Variants in PTPN3 observed in about 807,000 individuals in gnomAD.
The protein encoded by PTPN3 is tyrosine-protein phosphatase non-receptor type 3.
A neutral mutation model predicts 132.7 loss-of-function variants in PTPN3; 96 were observed. The ratio of observed to expected loss-of-function variants is 0.72; its 90% CI spans 0.61 to 0.86. The LOEUF (loss-of-function observed/expected upper bound fraction) is 0.86, where lower values mean the gene tolerates loss of function less well. Among genes scored for constraint, PTPN3 ranks in the 40% least tolerant of loss-of-function variants. The pLI, the probability that PTPN3 is intolerant of heterozygous loss-of-function variation, is 0.00. For missense variants in PTPN3, 1,125 were observed against 1,159.6 expected, an observed-to-expected ratio of 0.97 and a Z score of 0.43; for synonymous variants, 398 against 429.0, an observed-to-expected ratio of 0.93 and a Z score of 0.89.
At chr9:109,537,966 C>T in the PTPN3 span, among the ~76,000 whole-genome samples, 2 of 152,186 alleles carry the variant, frequency 1.3e-5, no homozygotes, top group Non-Finnish European at 2.9e-5. Context: ...TAACCACAAA[C>T]TTTATTCATA....
intron 5 of PTPN3, chr9:109,450,084 A>C: frequency 1.0e-6 from 1 of 984,802 alleles, no homozygotes; most frequent in Non-Finnish European, 1.2e-6. Context: ...GTTATAAAAA[A>C]ACTCACTATG....
chr9:109,404,642 T>G, intron 18 of PTPN3, 34 bp from the exon 19 acceptor site: 3 of 1,409,884 alleles, frequency 2.1e-6, no homozygotes, highest in Non-Finnish European at 1.9e-6. Flanking sequence ...CTGACTTGTG[T>G]AGCAATACTC....
intron 7 of PTPN3, among the ~76,000 whole-genome samples, chr9:109,443,781 A>G (rs1249891604): frequency 6.6e-6 from 1 of 152,222 alleles, no homozygotes; most frequent in African/African-American, 2.4e-5. Context: ...AAATCCACCC[A>G]GGCCCATTCG....
At chr9:109,381,831 C>G (rs1481419311) in intron 24 of PTPN3, 44 bp from the exon 25 acceptor site, 3 of 1,611,844 alleles carry the variant, frequency 1.9e-6, no homozygotes, top group Middle Eastern at 3.3e-4. Context: ...GTCTGAGTAG[C>G]CTTTCTGCAT....
chr9:109,442,381 A>AAT (rs2131960100), intron 7 of PTPN3, among the ~76,000 whole-genome samples: 1 of 152,168 alleles, frequency 6.6e-6, no homozygotes. Context: ...TATGCTCTGC[A>AAT]ATATATATAT....
At chr9:109,439,877 C>A (rs1844327767) in intron 7 of PTPN3, among the ~76,000 whole-genome samples, 2 of 151,804 alleles carry the variant, frequency 1.3e-5, no homozygotes, top group South Asian at 4.2e-4. Context: ...CCACTGTACT[C>A]CAGCCTGGGT....
chr9:109,483,052 C>A (rs1314023524), intron 1 of PTPN3, among the ~76,000 whole-genome samples: 1 of 152,202 alleles, frequency 6.6e-6, no homozygotes, highest in Non-Finnish European at 1.5e-5. Context: ...TAAATCTGGG[C>A]ACCTGTCCTT....
chr9:109,485,423 G>C (rs186978606), intron 1 of PTPN3, among the ~76,000 whole-genome samples: 2 of 152,154 alleles, frequency 1.3e-5, no homozygotes, highest in South Asian at 4.1e-4. Context: ...CAGGAGAACG[G>C]CGTGAACCTG....
the PTPN3 span, among the ~76,000 whole-genome samples, chr9:109,510,430 T>C: frequency 6.6e-6 from 1 of 151,492 alleles, no homozygotes; most frequent in East Asian, 1.9e-4. Flanking sequence ...TGGTGGTGCA[T>C]GCCTGTAATT....
chr9:109,438,898 G>A (rs1844247934), intron 7 of PTPN3, among the ~76,000 whole-genome samples: 1 of 152,184 alleles, frequency 6.6e-6, no homozygotes, highest in Non-Finnish European at 1.5e-5. Flanking sequence ...TCTAAGGGGA[G>A]TCAGAAGATA....
chr9:109,439,522 G>T (rs1185526711), intron 7 of PTPN3, among the ~76,000 whole-genome samples: 1 of 152,256 alleles, frequency 6.6e-6, no homozygotes, highest in East Asian at 1.9e-4. Flanking sequence ...CAAGGGCAGA[G>T]TATGGGAAAG....
rs1564361868 is a variant in PTPN3 at position 109,377,458 on chromosome 9, A to ACACACACACACACACACACAC, written c.*2097_*2098insGTGTGTGTGTGTGTGTGTGTG. 3 of 129,936 alleles carry ACACACACACACACACACACAC rather than the reference A, an allele frequency of 2.3e-5. No individual in the cohort carries two copies. The highest frequency in any genetic ancestry group is 2.4e-4 in the South Asian group (1 of 4,198). 8.0% of individuals were successfully genotyped at this position (129,936 alleles called of 1,614,324 possible). On this transcript the variant is annotated 3_prime_UTR_variant, in exon 26 of 26. Coordinates refer to ENST00000374541, the MANE Select transcript of PTPN3 (RefSeq NM_002829.4). ...CACACACACACACACACACACACAC[A>ACACACACACACACACACACAC]AGCCAGGTGAGGTGGCATGTGCCTA... is the stretch of plus-strand genomic sequence containing the variant.
chr9:109,488,601 G>T (rs1847321777), intron 1 of PTPN3, among the ~76,000 whole-genome samples: 1 of 152,180 alleles, frequency 6.6e-6, no homozygotes, highest in Non-Finnish European at 1.5e-5. Context: ...TGACTGGGAT[G>T]CTTCCCAGAA....
chr9:109,437,972 C>T, intron 8 of PTPN3, 142 bp downstream of exon 8: 1 of 991,404 alleles, frequency 1.0e-6, no homozygotes, highest in Non-Finnish European at 1.4e-6. Context: ...GCCACCATAC[C>T]AGCTCAAAGG....
rs752987168 is a variant in PTPN3 at position 109,406,628 on chromosome 9, G to A, written c.1636-10C>T. 1.9e-6 allele frequency: 3 copies of A among 1,613,562 alleles called. No homozygotes were observed. Among genetic ancestry groups the A allele is most frequent in the South Asian group, 1.1e-5 (1 of 91,004 alleles). On this transcript the variant is annotated splice_polypyrimidine_tract_variant and intron_variant, in intron 17 of 25. Coordinates refer to ENST00000374541, the MANE Select transcript of PTPN3 (RefSeq NM_002829.4). ...GAATGCAGGTGTCCGCCTGGGTGGTGGGGAAAAGCGAGTTTCTCCTGTTAC... is the reference window on the plus strand; with the variant it reads ...GAATGCAGGTGTCCGCCTGGGTGGTAGGGAAAAGCGAGTTTCTCCTGTTAC...
At chr9:109,521,456 G>A in the PTPN3 span, among the ~76,000 whole-genome samples, 28 of 152,228 alleles carry the variant, frequency 1.8e-4, no homozygotes, top group South Asian at 6.2e-4. Context: ...CACCACGCCT[G>A]GCCTTGAGTT....
At chr9:109,406,108 TTAAG>T (rs995089529) in intron 18 of PTPN3, among the ~76,000 whole-genome samples, 1 of 152,116 alleles carries the variant, frequency 6.6e-6, no homozygotes, top group African/African-American at 2.4e-5. Context: ...ACCAGATCCT[TTAAG>T]AAGGGGCTGA....
At chr9:109,507,961 A>C in the PTPN3 span, among the ~76,000 whole-genome samples, 2 of 152,160 alleles carry the variant, frequency 1.3e-5, no homozygotes, top group African/African-American at 4.8e-5. Flanking sequence ...CAGCCCAAGC[A>C]CAGGCACAAA....
chr9:109,391,726 G>T (rs1211108944), intron 19 of PTPN3, among the ~76,000 whole-genome samples, 165 bp from the exon 20 acceptor site: 2 of 147,276 alleles, frequency 1.4e-5, no homozygotes, highest in African/African-American at 2.5e-5. Flanking sequence ...AGTTCCATGA[G>T]AAACTGACTA....
Sources: gnomAD v4.1 joint callset for allele counts (sites outside exome capture counted in the v4.1 genomes callset) on GRCh38, gnomAD v4.1.1 for gene constraint, MANE v1.5 for transcripts, NCBI Gene and HGNC (gene_info 2026-07-23, HGNC 2026-07-21) for gene names.